Variants in TAF5L observed in about 807,000 individuals in gnomAD.
TAF5L encodes the protein TATA-box binding protein associated factor 5 like.
A neutral mutation model predicts 51.3 loss-of-function variants in TAF5L; 7 were observed. The observed-to-expected ratio is 0.14, with a 90% CI of 0.08 to 0.26. The LOEUF (loss-of-function observed/expected upper bound fraction) is 0.26, where lower values mean the gene tolerates loss of function less well. TAF5L is among the 10% of genes least tolerant of loss of function. The pLI is 1.00. For synonymous variants in TAF5L, 291 were observed against 308.1 expected (o/e 0.94, Z 0.58); for missense variants, 575 against 758.9 (o/e 0.76, Z 2.85).
chr1:229,600,749 T>A, intron 4 of TAF5L: 1 of 985,422 alleles, frequency 1.0e-6, no homozygotes, highest in Non-Finnish European at 1.2e-6. Flanking sequence ...GAAATAAACA[T>A]AGGACAAGCC....
chr1:229,603,031 T>C lies in TAF5L; in HGVS notation c.248-112A>G, dbSNP rs1291691045. ...ATGCTTTCTTGCCAGGACCCCATTTTTTAAGAGTACTGATTGAACTATAAG... is the reference window on the plus strand; with the variant it reads ...ATGCTTTCTTGCCAGGACCCCATTTCTTAAGAGTACTGATTGAACTATAAG... On this transcript the variant is annotated intron_variant, in intron 3 of 4. Transcript: ENST00000258281. 2.8e-6 allele frequency: 4 copies of C among 1,438,612 alleles called. No homozygotes were observed. The African/African-American group carries it at 5.7e-5, about 21-fold the overall frequency. 89.1% of individuals were successfully genotyped at this position (1,438,612 alleles called of 1,614,324 possible).
At chr1:229,596,874 T>G (rs967127586) in intron 4 of TAF5L, among the ~76,000 whole-genome samples, 1 of 152,168 alleles carries the variant, frequency 6.6e-6, no homozygotes, top group African/African-American at 2.4e-5. Flanking sequence ...AAGGGCACCT[T>G]TTTTTTCTAC....
intron 4 of TAF5L, chr1:229,600,589 C>T (rs763214700): frequency 4.3e-4 from 425 of 985,360 alleles, no homozygotes; most frequent in Non-Finnish European, 5.0e-4. Flanking sequence ...CTAGTTTGGC[C>T]GCCATAATTG....
intron 1 of TAF5L, among the ~76,000 whole-genome samples, chr1:229,616,078 G>A (rs1458380687): frequency 6.6e-6 from 1 of 152,242 alleles, no homozygotes. Flanking sequence ...GCAATGGCAT[G>A]ATCTCAGCTC....
chr1:229,605,108 G>GTATGTGTATATATATATATATATA (rs1553270421), intron 3 of TAF5L, among the ~76,000 whole-genome samples: 12 of 118,620 alleles, frequency 1.0e-4, no homozygotes, highest in African/African-American at 3.5e-4. Flanking sequence ...ATTTTTGTAT[G>GTATGTGTATATATATATATATATA]TATATATATA....
chr1:229,599,212 A>C, intron 4 of TAF5L: 2 of 911,394 alleles, frequency 2.2e-6, no homozygotes, highest in South Asian at 1.0e-4. Flanking sequence ...ATTCAGTTTT[A>C]TTTGGCATAA....
intron 3 of TAF5L, among the ~76,000 whole-genome samples, chr1:229,609,115 G>A (rs1394838544): frequency 6.6e-6 from 1 of 152,196 alleles, no homozygotes; most frequent in African/African-American, 2.4e-5. Context: ...ATTGTCCTAA[G>A]ATATATTGAT....
chr1:229,620,587 T>A (rs1487801158), intron 1 of TAF5L, among the ~76,000 whole-genome samples: 1 of 152,208 alleles, frequency 6.6e-6, no homozygotes, highest in Non-Finnish European at 1.5e-5. Context: ...TTGAAACTCA[T>A]CATAAAAATA....
intron 4 of TAF5L, among the ~76,000 whole-genome samples, chr1:229,598,505 T>C (rs910494664): frequency 6.6e-6 from 1 of 152,112 alleles, no homozygotes; most frequent in Non-Finnish European, 1.5e-5. Flanking sequence ...ATAAATGAAT[T>C]GCACACAGCT....
chr1:229,606,509 A>G (rs1664601248), intron 3 of TAF5L: 1 of 985,368 alleles, frequency 1.0e-6, no homozygotes, highest in Non-Finnish European at 1.2e-6. Flanking sequence ...ACTAAATTAA[A>G]CAAAACTAAT....
At chr1:229,604,204 T>C (rs1221043539) in intron 3 of TAF5L, among the ~76,000 whole-genome samples, 1 of 149,586 alleles carries the variant, frequency 6.7e-6, no homozygotes, top group East Asian at 2.0e-4. Flanking sequence ...AAGGCATCAA[T>C]ACAGGGTTTA....
chr1:229,595,777 T>C (rs1009707999), intron 4 of TAF5L, among the ~76,000 whole-genome samples: 1 of 152,210 alleles, frequency 6.6e-6, no homozygotes, highest in South Asian at 2.1e-4. Context: ...GCGATTCTCC[T>C]GCCTCAGCAT....
chr1:229,622,050 TATC>T (rs1665222917), intron 1 of TAF5L, among the ~76,000 whole-genome samples: 1 of 150,900 alleles, frequency 6.6e-6, no homozygotes, highest in Non-Finnish European at 1.5e-5. Context: ...TCTATCTATC[TATC>T]TATCTATCTA....
At chr1:229,616,179 A>C (rs1364134461) in intron 1 of TAF5L, among the ~76,000 whole-genome samples, 1 of 151,816 alleles carries the variant, frequency 6.6e-6, no homozygotes, top group African/African-American at 2.4e-5. Flanking sequence ...ACACTTGGCT[A>C]ATTATTAAAT....
chr1:229,610,704 TTTAA>T lies in TAF5L; in HGVS notation c.143-498_143-495del, dbSNP rs370763829. On this transcript the variant is annotated intron_variant, in intron 2 of 4. Coordinates refer to ENST00000258281, the Ensembl canonical transcript of TAF5L. ...AAGGTCGGATATCCTGAACCAATCC[TTTAA>T]TTTTTTTCTCCTATTACTCCATTTC... Among the ~76,000 whole-genome samples, 422 of 152,164 alleles carry T rather than the reference TTTAA, an allele frequency of 2.8e-3. 6 individuals are homozygous for T. The highest frequency in any genetic ancestry group is 9.9e-3 in the African/African-American group (412 of 41,420).
intron 3 of TAF5L, among the ~76,000 whole-genome samples, chr1:229,605,627 T>C (rs1217939004): frequency 4.7e-5 from 7 of 149,588 alleles, no homozygotes; most frequent in African/African-American, 1.7e-4. Flanking sequence ...TTTTTTTAGA[T>C]GAGATTAACA....
intron 1 of TAF5L, among the ~76,000 whole-genome samples, chr1:229,624,620 C>T (rs1277341290): frequency 6.6e-6 from 1 of 151,932 alleles, no homozygotes; most frequent in Non-Finnish European, 1.5e-5. Flanking sequence ...AAAAAATCCA[C>T]GTTTAAGTTA....
At chr1:229,616,358 C>CTATT (rs1665003054) in intron 1 of TAF5L, among the ~76,000 whole-genome samples, 1 of 116,196 alleles carries the variant, frequency 8.6e-6, no homozygotes, top group African/African-American at 2.9e-5. Context: ...TTCCGGAAGT[C>CTATT]TATTTATTTA....
At chr1:229,622,421 T>C (rs1259352343) in intron 1 of TAF5L, among the ~76,000 whole-genome samples, 3 of 152,036 alleles carry the variant, frequency 2.0e-5, no homozygotes, top group African/African-American at 7.2e-5. Flanking sequence ...CAATACATAC[T>C]TGAAGATAAT....
Sources: gnomAD v4.1 joint callset for allele counts (sites outside exome capture counted in the v4.1 genomes callset) on GRCh38, gnomAD v4.1.1 for gene constraint, MANE v1.5 for transcripts, NCBI Gene and HGNC (gene_info 2026-07-23, HGNC 2026-07-21) for gene names.